The following FRMD4B variants were observed in gnomAD, a reference collection of about 807,000 sequenced individuals.
FRMD4B encodes FERM domain containing 4B.
In FRMD4B, 74 loss-of-function variants were observed where a neutral mutation model predicts 141.5. The ratio of observed to expected loss-of-function variants is 0.52; its 90% CI spans 0.43 to 0.63. The LOEUF (loss-of-function observed/expected upper bound fraction) is 0.63. Among genes scored for constraint, FRMD4B ranks in the 30% least tolerant of loss-of-function variants. The pLI is 0.00. For synonymous variants in FRMD4B, 506 were observed against 467.9 expected, an observed-to-expected ratio of 1.08 and a Z score of -1.05; for missense variants, 1,366 against 1,253.4, an observed-to-expected ratio of 1.09 and a Z score of -1.36.
At chr3:69,180,765 G>T in intron 21 of FRMD4B, 134 bp downstream of exon 21, 1 of 628,302 alleles carries the variant, frequency 1.6e-6, no homozygotes, top group Non-Finnish European at 2.8e-6. Flanking sequence ...AATTCTTATT[G>T]TGGGGTTCCA....
At chr3:69,540,652 T>TACAC (rs1411118617) in intron 1 of FRMD4B, among the ~76,000 whole-genome samples, 142 of 82,012 alleles carry the variant, frequency 1.7e-3, no homozygotes, top group East Asian at 0.015. Flanking sequence ...TATATATATA[T>TACAC]ATATATATAC....
chr3:69,506,877 C>G (rs1372812185), intron 1 of FRMD4B, among the ~76,000 whole-genome samples: 1 of 152,180 alleles, frequency 6.6e-6, no homozygotes, highest in African/African-American at 2.4e-5. Context: ...CAGCTGGAGA[C>G]AGTGCACACT....
At chr3:69,464,124 C>T (rs540485285) in intron 1 of FRMD4B, among the ~76,000 whole-genome samples, 2 of 152,324 alleles carry the variant, frequency 1.3e-5, no homozygotes, top group African/African-American at 2.4e-5. Context: ...GCTCTCAATT[C>T]TGAGGTTATA....
At chr3:69,295,347 G>T (rs567708262) in intron 4 of FRMD4B, among the ~76,000 whole-genome samples, 2 of 152,210 alleles carry the variant, frequency 1.3e-5, no homozygotes, top group South Asian at 4.1e-4. Context: ...TTTGAGACAG[G>T]GTCTTGCTCT....
chr3:69,372,115 G>A (rs763727973), intron 1 of FRMD4B, among the ~76,000 whole-genome samples: 2 of 152,066 alleles, frequency 1.3e-5, no homozygotes, highest in Non-Finnish European at 2.9e-5. Context: ...GTGTCTTTGC[G>A]TCTGCCATTA....
At chr3:69,196,182 T>G in intron 14 of FRMD4B, 73 bp downstream of exon 14, 1 of 1,130,626 alleles carries the variant, frequency 8.8e-7, no homozygotes, top group Non-Finnish European at 1.3e-6. Context: ...AAGATGAATT[T>G]CGAAGTGGTT....
chr3:69,229,015 G>GTTTTTTTTTTT (rs58912710), intron 7 of FRMD4B, among the ~76,000 whole-genome samples: 4 of 120,984 alleles, frequency 3.3e-5, no homozygotes, highest in Non-Finnish European at 5.0e-5. Context: ...TCAAAATCAT[G>GTTTTTTTTTTT]TTTTTTTTTT....
intron 11 of FRMD4B, chr3:69,199,176 GC>G (rs762185526): frequency 3.7e-4 from 62 of 167,040 alleles, no homozygotes; most frequent in Non-Finnish European, 7.1e-4. Flanking sequence ...GGAGGCTGAG[GC>G]AGGAGAATGG....
chr3:69,345,578 C>T (rs1287101016), intron 1 of FRMD4B, among the ~76,000 whole-genome samples: 1 of 152,206 alleles, frequency 6.6e-6, no homozygotes, highest in Non-Finnish European at 1.5e-5. Context: ...AACAGGGTGG[C>T]ACCCCTCAGT....
At chr3:69,245,834 G>GTT (rs1183774603) in intron 7 of FRMD4B, among the ~76,000 whole-genome samples, 1,041 of 78,220 alleles carry the variant, frequency 0.013, 12 homozygotes, top group South Asian at 0.018. Flanking sequence ...AGGCTAATTT[G>GTT]TTTTTTTTTT....
At chr3:69,423,602 G>C (rs1007832108) in intron 2 of FRMD4B, among the ~76,000 whole-genome samples, 1 of 152,146 alleles carries the variant, frequency 6.6e-6, no homozygotes, top group Non-Finnish European at 1.5e-5. Context: ...AAAATTAATA[G>C]TTTGAAGCTT....
At chr3:69,469,464 T>C (rs1407570585) in intron 1 of FRMD4B, among the ~76,000 whole-genome samples, 2 of 152,236 alleles carry the variant, frequency 1.3e-5, no homozygotes, top group African/African-American at 4.8e-5. Flanking sequence ...CTCTTCTTTT[T>C]AGGTGAATCC....
chr3:69,510,404 T>C (rs1706669942), intron 1 of FRMD4B, among the ~76,000 whole-genome samples: 2 of 152,198 alleles, frequency 1.3e-5, no homozygotes, highest in Non-Finnish European at 2.9e-5. Context: ...TTCTTCTCCT[T>C]GATAATGAAT....
At chr3:69,430,078 T>C (rs990483158) in intron 2 of FRMD4B, among the ~76,000 whole-genome samples, 9 of 152,134 alleles carry the variant, frequency 5.9e-5, no homozygotes, top group African/African-American at 1.7e-4. Context: ...ACTCTTCTTA[T>C]TGATCCAAGG....
intron 5 of FRMD4B, among the ~76,000 whole-genome samples, chr3:69,275,608 T>A (rs1459300953): frequency 6.6e-6 from 1 of 151,990 alleles, no homozygotes; most frequent in African/African-American, 2.4e-5. Context: ...GTTTTTTTAA[T>A]TTTTTGTAGA....
intron 11 of FRMD4B, among the ~76,000 whole-genome samples, chr3:69,215,068 C>T (rs1399769753): frequency 1.3e-5 from 2 of 151,302 alleles, no homozygotes; most frequent in South Asian, 2.1e-4. Flanking sequence ...TTAGTAGAGA[C>T]GGGGTTTCAC....
chr3:69,379,640 G>T (rs1004618455), intron 1 of FRMD4B, among the ~76,000 whole-genome samples: 1 of 152,160 alleles, frequency 6.6e-6, no homozygotes, highest in Non-Finnish European at 1.5e-5. Flanking sequence ...TTCTGTGATA[G>T]AATTATGGAC....
intron 1 of FRMD4B, among the ~76,000 whole-genome samples, chr3:69,514,786 A>G (rs1481664665): frequency 6.6e-6 from 1 of 152,314 alleles, no homozygotes; most frequent in African/African-American, 2.4e-5. Flanking sequence ...TGTCCGTGTT[A>G]CCCAAAATGA....
At chr3:69,536,571 C>T (rs144697061) in intron 1 of FRMD4B, 185 of 719,294 alleles carry the variant, frequency 2.6e-4, no homozygotes, top group African/African-American at 2.2e-3. Context: ...GGGCAGGAGG[C>T]GGCATGCCAC....
Sources: allele counts gnomAD v4.1 joint callset (sites outside exome capture counted in the v4.1 genomes callset), GRCh38; gene constraint gnomAD v4.1.1; transcripts MANE v1.5; gene names NCBI Gene and HGNC (gene_info 2026-07-23, HGNC 2026-07-21).